Variants in PIK3CB observed in about 807,000 individuals in gnomAD.
PIK3CB encodes phosphatidylinositol 4,5-bisphosphate 3-kinase catalytic subunit beta isoform.
In PIK3CB, 39 loss-of-function variants were observed where a neutral mutation model predicts 136.8. That is an observed-to-expected ratio of 0.29 (90% confidence interval 0.22 to 0.37). PIK3CB has a LOEUF of 0.37. Ranked by LOEUF, PIK3CB falls within the 10% of genes least tolerant of loss-of-function variation. The pLI, the probability that PIK3CB is intolerant of heterozygous loss-of-function variation, is 1.00. For synonymous variants in PIK3CB, 428 were observed against 436.6 expected, an observed-to-expected ratio of 0.98 and a Z score of 0.25; for missense variants, 868 against 1,275.4, an observed-to-expected ratio of 0.68 and a Z score of 4.87.
intron 2 of PIK3CB, among the ~76,000 whole-genome samples, chr3:138,792,894 C>G (rs760305046): frequency 6.6e-6 from 1 of 152,192 alleles, no homozygotes; most frequent in Non-Finnish European, 1.5e-5. Context: ...CTTCCTGCCT[C>G]AGCTTCCTCA....
intron 5 of PIK3CB, among the ~76,000 whole-genome samples, chr3:138,741,790 C>T (rs371317007): frequency 9.9e-5 from 15 of 150,854 alleles, no homozygotes; most frequent in South Asian, 4.2e-4. Context: ...ATTGCGCCAT[C>T]GCACTCCAGC....
intron 1 of PIK3CB, among the ~76,000 whole-genome samples, chr3:138,811,508 C>T (rs1933058702): frequency 2.0e-5 from 3 of 151,198 alleles, no homozygotes; most frequent in African/African-American, 4.9e-5. Flanking sequence ...TCACTGCAAC[C>T]TCCGCCTCCC....
intron 15 of PIK3CB, among the ~76,000 whole-genome samples, chr3:138,689,559 G>C (rs1054304186): frequency 6.6e-6 from 1 of 152,230 alleles, no homozygotes; most frequent in Admixed American, 6.5e-5. Context: ...CCAAAGTGCT[G>C]GGAACAGGCA....
intron 2 of PIK3CB, among the ~76,000 whole-genome samples, chr3:138,784,400 C>A (rs1393407808): frequency 6.6e-6 from 1 of 151,932 alleles, no homozygotes; most frequent in Non-Finnish European, 1.5e-5. Context: ...AAAAAAGGCT[C>A]TCCCTCTCCC....
intron 1 of PIK3CB, among the ~76,000 whole-genome samples, chr3:138,802,263 CCA>C (rs1402908860): frequency 2.0e-5 from 3 of 150,880 alleles, no homozygotes; most frequent in Non-Finnish European, 4.4e-5. Context: ...GCCTATAATC[CCA>C]GTTACTCGGG....
intron 21 of PIK3CB, among the ~76,000 whole-genome samples, chr3:138,658,059 C>G (rs1364872584): frequency 6.6e-6 from 1 of 152,064 alleles, no homozygotes; most frequent in Non-Finnish European, 1.5e-5. Context: ...CTGTAGATAT[C>G]TAGTGGAAAA....
chr3:138,684,681 T>C lies in PIK3CB; in HGVS notation c.2259A>G (p.Glu753=). ...GGGGTGACTGCAGGTCAGAGAGGGC[T>C]TCCCGGTAAGCACTCTGTTTTAAAC... ...HTCLKQSAYR[E]ALSDLQSPLN... is the part of the protein sequence containing the mutation. The change falls in exon 17 of 24, where the codon GAA becomes GAG. Residue 753 remains glutamate, a synonymous_variant. Coordinates refer to ENST00000674063, the MANE Select transcript of PIK3CB (RefSeq NM_006219.3). 2.2e-5 allele frequency: 35 copies of C among 1,614,020 alleles called. No homozygotes were observed. The highest frequency in any genetic ancestry group is 2.9e-5 in the Non-Finnish European group (34 of 1,179,938).
chr3:138,822,544 A>G (rs1576433283), intron 1 of PIK3CB, among the ~76,000 whole-genome samples: 1 of 151,912 alleles, frequency 6.6e-6, no homozygotes, highest in South Asian at 2.1e-4. Flanking sequence ...TCAAAAATAA[A>G]AGAAAAAGAA....
At chr3:138,792,154 C>T (rs917142667) in intron 2 of PIK3CB, among the ~76,000 whole-genome samples, 12 of 151,962 alleles carry the variant, frequency 7.9e-5, no homozygotes, top group African/African-American at 2.9e-4. Context: ...GAGATCGCGC[C>T]ATTGCACTCC....
chr3:138,669,917 G>T (rs142976259), intron 19 of PIK3CB, among the ~76,000 whole-genome samples: 2 of 152,188 alleles, frequency 1.3e-5, no homozygotes, highest in Non-Finnish European at 2.9e-5. Flanking sequence ...TATATTTATA[G>T]AAACAGTAAA....
chr3:138,810,315 G>A (rs985063304), intron 1 of PIK3CB, among the ~76,000 whole-genome samples: 11 of 152,114 alleles, frequency 7.2e-5, no homozygotes, highest in African/African-American at 2.7e-4. Context: ...AGTGTGAGCT[G>A]CACATAGTGC....
chr3:138,793,252 G>A (rs368620033), intron 2 of PIK3CB, among the ~76,000 whole-genome samples: 4 of 152,138 alleles, frequency 2.6e-5, no homozygotes, highest in African/African-American at 9.7e-5. Flanking sequence ...CTTCTGAGGA[G>A]GTGACATTAA....
chr3:138,780,965 A>G (rs560935403), intron 2 of PIK3CB, among the ~76,000 whole-genome samples: 39 of 152,332 alleles, frequency 2.6e-4, no homozygotes, highest in Non-Finnish European at 5.3e-4. Context: ...TGTTACAAGC[A>G]TGACCCACAA....
intron 19 of PIK3CB, 27 bp downstream of exon 19, chr3:138,681,940 G>GA (rs145780817): frequency 0.12 from 121,636 of 1,041,718 alleles, 5 homozygotes; most frequent in South Asian, 0.15. Context: ...ACATTAGACT[G>GA]AAAAAAAAAA....
chr3:138,826,059 C>A, intron 1 of PIK3CB: 1 of 1,220,220 alleles, frequency 8.2e-7, no homozygotes, highest in Non-Finnish European at 1.2e-6. Flanking sequence ...TGCAAGTTTG[C>A]TGACCTGAAG....
rs1424915811 is a variant in PIK3CB at position 138,654,662 on chromosome 3, C to T, written c.*727G>A. On this transcript the variant is annotated 3_prime_UTR_variant, in exon 24 of 24. Transcript: ENST00000674063. ...AAAAGTAACTTAGGAAAAAGCTCTG[C>T]TTTTTGTAAAACTTTAAATCACAGG... is the stretch of plus-strand genomic sequence containing the variant. 5 of 223,118 alleles carry T rather than the reference C, an allele frequency of 2.2e-5. No homozygotes were observed. The highest frequency in any genetic ancestry group is 2.0e-4 in the East Asian group (3 of 15,288). 13.8% of individuals were successfully genotyped at this position (223,118 alleles called of 1,614,324 possible).
chr3:138,717,058 A>T (rs1376193030), intron 8 of PIK3CB, among the ~76,000 whole-genome samples: 6 of 151,748 alleles, frequency 4.0e-5, no homozygotes, highest in African/African-American at 1.5e-4. Flanking sequence ...GATCAAGACC[A>T]TCCTGGCCAA....
chr3:138,805,465 T>C (rs922621978), intron 1 of PIK3CB, among the ~76,000 whole-genome samples: 4 of 151,614 alleles, frequency 2.6e-5, no homozygotes, highest in African/African-American at 9.7e-5. Flanking sequence ...GGTCAGGAGA[T>C]TGAGACCATC....
Position 138,674,127 on chromosome 3 carries a change from T to C in PIK3CB, c.2504+7840A>G, listed in dbSNP as rs777705466. On this transcript the variant is annotated intron_variant, in intron 19 of 23. Transcript: ENST00000674063. ...GAAAAGGTAGGTAATTACATGTCCATATGGTGCACTGAAAAGCTCCAAAAT... is the reference window on the plus strand; with the variant it reads ...GAAAAGGTAGGTAATTACATGTCCACATGGTGCACTGAAAAGCTCCAAAAT... Among the ~76,000 whole-genome samples the C allele has an allele frequency of 2.6e-5, 4 of 151,642 alleles. No homozygotes were observed. In the East Asian group the frequency reaches 7.7e-4, roughly 29 times the overall value.
Sources: gnomAD v4.1 joint callset for allele counts (sites outside exome capture counted in the v4.1 genomes callset) on GRCh38, gnomAD v4.1.1 for gene constraint, MANE v1.5 for transcripts, NCBI Gene and HGNC (gene_info 2026-07-23, HGNC 2026-07-21) for gene names.